SLC10A7: variants seen among roughly 807,000 people sequenced by gnomAD.
The protein encoded by SLC10A7 is solute carrier family 10 member 7.
In SLC10A7, 29 loss-of-function variants were observed where a neutral mutation model predicts 43.2. That is an observed-to-expected ratio of 0.67 (90% CI 0.50 to 0.92). The LOEUF is 0.92. Among genes scored for constraint, SLC10A7 ranks in the 40% least tolerant of loss-of-function variants. The pLI is 0.00. For synonymous variants in SLC10A7, 152 were observed against 144.8 expected (o/e 1.05, Z -0.35); for missense variants, 295 against 403.2 (o/e 0.73, Z 2.30).
intron 5 of SLC10A7, among the ~76,000 whole-genome samples, chr4:146,422,858 G>T (rs1421422887): frequency 6.6e-6 from 1 of 151,916 alleles, no homozygotes; most frequent in East Asian, 1.9e-4. Flanking sequence ...TCTATTTTGG[G>T]AGGTCTTCCC....
intron 5 of SLC10A7, among the ~76,000 whole-genome samples, chr4:146,388,592 A>C (rs1738176331): frequency 6.6e-6 from 1 of 152,022 alleles, no homozygotes. Context: ...CCCCATCTCT[A>C]GTAAAAATAC....
intron 6 of SLC10A7, among the ~76,000 whole-genome samples, chr4:146,319,036 A>G (rs1578870639): frequency 6.6e-6 from 1 of 152,206 alleles, no homozygotes; most frequent in East Asian, 1.9e-4. Flanking sequence ...ATCTGTTCTC[A>G]GTCCAGCATC....
chr4:146,380,143 C>T (rs1277141556), intron 5 of SLC10A7, among the ~76,000 whole-genome samples: 1 of 152,084 alleles, frequency 6.6e-6, no homozygotes, highest in Non-Finnish European at 1.5e-5. Context: ...GTCAAATACA[C>T]TTTTGTTTAA....
At chr4:146,298,701 G>A (rs553284237) in intron 7 of SLC10A7, among the ~76,000 whole-genome samples, 2 of 152,300 alleles carry the variant, frequency 1.3e-5, no homozygotes, top group African/African-American at 4.8e-5. Flanking sequence ...GAAAAGGTTT[G>A]TTGGAAAAGA....
intron 6 of SLC10A7, among the ~76,000 whole-genome samples, chr4:146,314,854 T>C (rs1732218886): frequency 6.6e-6 from 1 of 152,116 alleles, no homozygotes; most frequent in Non-Finnish European, 1.5e-5. Context: ...TTTAAATAAA[T>C]TGATGGTCTG....
intron 5 of SLC10A7, among the ~76,000 whole-genome samples, chr4:146,436,844 A>G (rs763122370): frequency 1.3e-4 from 20 of 152,068 alleles, no homozygotes; most frequent in Non-Finnish European, 2.8e-4. Context: ...CCATTGACTT[A>G]ATTTCAGTTA....
At chr4:146,411,887 T>A (rs950444627) in intron 5 of SLC10A7, among the ~76,000 whole-genome samples, 4 of 152,144 alleles carry the variant, frequency 2.6e-5, no homozygotes, top group Non-Finnish European at 5.9e-5. Context: ...CAAGTGCAGA[T>A]GAAAGGAAGA....
chr4:146,514,147 A>G (rs1737736789), intron 2 of SLC10A7: 1 of 152,228 alleles, frequency 6.6e-6, no homozygotes, highest in Non-Finnish European at 1.5e-5. Flanking sequence ...TGGGCTTGAA[A>G]CAAACAGCAC....
intron 7 of SLC10A7, among the ~76,000 whole-genome samples, chr4:146,298,632 A>T (rs1730943992): frequency 6.6e-6 from 1 of 152,218 alleles, no homozygotes; most frequent in African/African-American, 2.4e-5. Context: ...GTTTATTTGT[A>T]TACCACTCTT....
At position 146,346,088 on chromosome 4, in the gene SLC10A7, G is replaced by A. The variant is rs562928078; in HGVS notation, c.436-20092C>T. The stretch of plus-strand genomic sequence containing the variant: ...ACTGTAGTTCAGTTGTCTTATGGAT[G>A]AAAAAGCATTTATGGGCCCAATCTC... On this transcript the variant is annotated intron_variant, in intron 5 of 11. Transcript: ENST00000335472. 2.0e-5 allele frequency among the ~76,000 whole-genome samples: 3 copies of A among 152,202 alleles called. No homozygotes were observed. The East Asian group carries it at 5.8e-4, about 29-fold the overall frequency.
intron 5 of SLC10A7, among the ~76,000 whole-genome samples, chr4:146,385,800 G>A (rs1006480912): frequency 6.6e-6 from 1 of 152,110 alleles, no homozygotes; most frequent in African/African-American, 2.4e-5. Flanking sequence ...CCATCTTCAT[G>A]TCCGTAAGTA....
chr4:146,406,891 G>A (rs1180799734), intron 5 of SLC10A7, among the ~76,000 whole-genome samples: 1 of 152,198 alleles, frequency 6.6e-6, no homozygotes, highest in Non-Finnish European at 1.5e-5. Flanking sequence ...GCTGAGGCAG[G>A]AGAATCACTT....
At chr4:146,409,616 G>A (rs1728019789) in intron 5 of SLC10A7, among the ~76,000 whole-genome samples, 1 of 152,074 alleles carries the variant, frequency 6.6e-6, no homozygotes, top group Non-Finnish European at 1.5e-5. Context: ...TTTACTCTAT[G>A]TAAATTATAC....
At chr4:146,425,921 C>A (rs763624328) in intron 5 of SLC10A7, among the ~76,000 whole-genome samples, 4 of 152,148 alleles carry the variant, frequency 2.6e-5, no homozygotes, top group Non-Finnish European at 5.9e-5. Context: ...TTCCTCTAAT[C>A]CCATTCTCAC....
chr4:146,510,151 G>T (rs1737320211), intron 2 of SLC10A7, 102 bp from the exon 3 acceptor site: 4 of 1,095,110 alleles, frequency 3.7e-6, no homozygotes, highest in Non-Finnish European at 5.0e-6. Context: ...TTAATTTTGG[G>T]TTTTTTCATA....
chr4:146,497,131 T>C (rs1735974987), intron 4 of SLC10A7, among the ~76,000 whole-genome samples: 1 of 152,226 alleles, frequency 6.6e-6, no homozygotes, highest in Non-Finnish European at 1.5e-5. Flanking sequence ...GTGGATATGA[T>C]ATAAAGAATT....
intron 3 of SLC10A7, among the ~76,000 whole-genome samples, chr4:146,507,579 A>T (rs945596444): frequency 1.3e-5 from 2 of 152,082 alleles, no homozygotes; most frequent in African/African-American, 4.8e-5. Flanking sequence ...AAATAAAAAT[A>T]AAAATAAATC....
chr4:146,509,056 G>A lies in SLC10A7; in HGVS notation c.320+857C>T, dbSNP rs182588271. On this transcript the variant is annotated intron_variant, in intron 3 of 11. Transcript: ENST00000335472. ...ATGTTTCCTTTCCCTAGAACATTCTGCCCCCAGAACTCTGAAATCTAAATT... is the reference window on the plus strand; with the variant it reads ...ATGTTTCCTTTCCCTAGAACATTCTACCCCCAGAACTCTGAAATCTAAATT... Among the ~76,000 whole-genome samples the A allele has an allele frequency of 1.2e-4, 19 of 152,126 alleles. No individual in the cohort carries two copies. The East Asian group carries it at 3.5e-3, about 28-fold the overall frequency.
At chr4:146,448,528 C>T (rs1731310447) in intron 4 of SLC10A7, among the ~76,000 whole-genome samples, 1 of 152,068 alleles carries the variant, frequency 6.6e-6, no homozygotes, top group African/African-American at 2.4e-5. Flanking sequence ...AATGCTGGTC[C>T]AACACCCCTC....
Sources: gnomAD v4.1 joint callset for allele counts (sites outside exome capture counted in the v4.1 genomes callset) on GRCh38, gnomAD v4.1.1 for gene constraint, MANE v1.5 for transcripts, NCBI Gene and HGNC (gene_info 2026-07-23, HGNC 2026-07-21) for gene names.